The following B3GALT1 variants were observed in gnomAD, a reference collection of about 807,000 sequenced individuals.
B3GALT1 encodes beta-1,3-galactosyltransferase 1.
In B3GALT1, 10 loss-of-function variants were observed where a neutral mutation model predicts 23.2. The observed-to-expected ratio is 0.43, with a 90% CI of 0.27 to 0.73. The LOEUF is 0.73. B3GALT1 is among the 30% of genes least tolerant of loss of function. The pLI is 0.21. For missense variants in B3GALT1, 299 were observed against 405.4 expected (o/e 0.74, Z 2.25); for synonymous variants, 156 against 141.5 (o/e 1.10, Z -0.73).
chr2:167,591,639 A>T (rs1003778459), intron 2 of B3GALT1, among the ~76,000 whole-genome samples: 1 of 151,640 alleles, frequency 6.6e-6, no homozygotes, highest in African/African-American at 2.4e-5. Flanking sequence ...TACACTGCTA[A>T]TTTTTTTTAT....
chr2:167,428,163 G>T (rs970493184), intron 1 of B3GALT1, among the ~76,000 whole-genome samples: 7 of 152,150 alleles, frequency 4.6e-5, no homozygotes, highest in Non-Finnish European at 7.4e-5. Flanking sequence ...AGAGACATGA[G>T]AAAATAAGGA....
chr2:167,666,912 AG>A (rs1162581483), intron 3 of B3GALT1, among the ~76,000 whole-genome samples: 20 of 152,238 alleles, frequency 1.3e-4, no homozygotes, highest in Admixed American at 7.2e-4. Context: ...CCAATTTGCC[AG>A]TCTGTGTCTT....
chr2:167,870,406 C>A lies in B3GALT1; in HGVS notation c.*386C>A. The A allele has an allele frequency of 5.5e-6, 1 of 182,038 alleles. No homozygotes were observed. The highest frequency in any genetic ancestry group is 1.3e-5 in the Non-Finnish European group (1 of 76,960). The allele number at this position is 182,038 out of a possible 1,614,324, so 11.3% of individuals were successfully genotyped here. A position where few individuals can be genotyped will look rare whatever the true frequency, so the allele number is the denominator to read the frequency against. On this transcript the variant is annotated 3_prime_UTR_variant, in exon 5 of 5. Coordinates refer to ENST00000392690, the MANE Select transcript of B3GALT1 (RefSeq NM_020981.4). ...CACAAATAGAAACCATTTTCAAAAG[C>A]AATTCAGAAAGGATGCACAGTCAGG...
At chr2:167,566,585 G>T (rs1015622240) in intron 2 of B3GALT1, among the ~76,000 whole-genome samples, 1 of 151,958 alleles carries the variant, frequency 6.6e-6, no homozygotes, top group East Asian at 1.9e-4. Flanking sequence ...GAATAACGTA[G>T]TCCAGCCTCC....
At chr2:167,465,071 T>A (rs1699323805) in intron 1 of B3GALT1, among the ~76,000 whole-genome samples, 1 of 152,202 alleles carries the variant, frequency 6.6e-6, no homozygotes, top group African/African-American at 2.4e-5. Context: ...TTTTAATCCT[T>A]TGTATGAAAC....
At chr2:167,595,329 G>A (rs917255348) in intron 2 of B3GALT1, among the ~76,000 whole-genome samples, 1 of 152,102 alleles carries the variant, frequency 6.6e-6, no homozygotes, top group Admixed American at 6.5e-5. Flanking sequence ...GCTCTGCATC[G>A]CCCACCCATA....
chr2:167,602,479 T>C (rs1684894296), intron 2 of B3GALT1, among the ~76,000 whole-genome samples: 1 of 152,176 alleles, frequency 6.6e-6, no homozygotes, highest in East Asian at 1.9e-4. Flanking sequence ...AGACAAATAC[T>C]TGCAGGATTC....
At chr2:167,349,259 G>C (rs923077641) in intron 1 of B3GALT1, among the ~76,000 whole-genome samples, 11 of 151,976 alleles carry the variant, frequency 7.2e-5, no homozygotes, top group African/African-American at 2.7e-4. Context: ...AATCCTTTTT[G>C]CCTGGTACCT....
intron 2 of B3GALT1, among the ~76,000 whole-genome samples, chr2:167,565,312 A>G (rs1339908055): frequency 1.3e-5 from 2 of 152,234 alleles, no homozygotes; most frequent in Non-Finnish European, 2.9e-5. Context: ...ATATGTAGAA[A>G]GCTGAAACTG....
At chr2:167,650,036 A>G (rs1338902040) in intron 3 of B3GALT1, among the ~76,000 whole-genome samples, 1 of 151,860 alleles carries the variant, frequency 6.6e-6, no homozygotes, top group Admixed American at 6.6e-5. Flanking sequence ...ACTGTATATG[A>G]TGTTAGCTCT....
intron 1 of B3GALT1, among the ~76,000 whole-genome samples, chr2:167,358,509 T>C (rs1697451415): frequency 6.6e-6 from 1 of 152,166 alleles, no homozygotes; most frequent in Admixed American, 6.5e-5. Context: ...TCTATCCAAT[T>C]TTGTTGAGCA....
intron 3 of B3GALT1, among the ~76,000 whole-genome samples, chr2:167,665,444 G>A (rs531115944): frequency 6.8e-6 from 1 of 147,602 alleles, no homozygotes; most frequent in African/African-American, 2.6e-5. Flanking sequence ...TGTGTCTCTG[G>A]CCGGCTTTGG....
At chr2:167,866,341 A>G (rs1690217191) in intron 4 of B3GALT1, among the ~76,000 whole-genome samples, 5 of 152,090 alleles carry the variant, frequency 3.3e-5, no homozygotes. Context: ...TAGCCTCCTA[A>G]TGTAAATTTT....
chr2:167,824,957 A>T (rs1168504921), intron 4 of B3GALT1, among the ~76,000 whole-genome samples: 1 of 152,136 alleles, frequency 6.6e-6, no homozygotes, highest in African/African-American at 2.4e-5. Flanking sequence ...CTTAAGAGTT[A>T]TTCACATGCA....
intron 2 of B3GALT1, among the ~76,000 whole-genome samples, chr2:167,585,130 G>A (rs982517602): frequency 1.1e-4 from 16 of 152,072 alleles, no homozygotes; most frequent in Admixed American, 3.9e-4. Context: ...CACTCTTTTC[G>A]CTCTTAAAAT....
chr2:167,648,086 C>A (rs904240197), intron 3 of B3GALT1, among the ~76,000 whole-genome samples: 1 of 152,016 alleles, frequency 6.6e-6, no homozygotes, highest in Admixed American at 6.6e-5. Context: ...GTAATCTTTT[C>A]TTTCAGTCTC....
intron 2 of B3GALT1, among the ~76,000 whole-genome samples, chr2:167,550,209 A>G (rs546366392): frequency 1.3e-5 from 2 of 152,366 alleles, no homozygotes; most frequent in African/African-American, 4.8e-5. Flanking sequence ...ATCTCAGATA[A>G]TGAGGTAATT....
In B3GALT1 at chr2:167,584,377, A is replaced by G. The variant is rs551413593; in HGVS notation, c.-409-62532A>G. Reference sequence around the variant, plus strand: ...GGGAAAAAACTCAGTTTTTCCCACTATGCTCTGAGATATGGAAGAAAACCC... The same window carrying G: ...GGGAAAAAACTCAGTTTTTCCCACTGTGCTCTGAGATATGGAAGAAAACCC... On this transcript the variant is annotated intron_variant, in intron 2 of 4. Coordinates refer to ENST00000392690, the MANE Select transcript of B3GALT1 (RefSeq NM_020981.4). 9.8e-5 allele frequency among the ~76,000 whole-genome samples: 15 copies of G among 152,294 alleles called. 1 individual carries two copies. The East Asian group carries it at 2.5e-3, about 25-fold the overall frequency.
At chr2:167,309,109 A>G (rs1696595233) in intron 1 of B3GALT1, among the ~76,000 whole-genome samples, 1 of 152,046 alleles carries the variant, frequency 6.6e-6, no homozygotes, top group Non-Finnish European at 1.5e-5. Flanking sequence ...GTTTTATGTC[A>G]AGAAATTGAC....
Sources: gnomAD v4.1 joint callset for allele counts (sites outside exome capture counted in the v4.1 genomes callset) on GRCh38, gnomAD v4.1.1 for gene constraint, MANE v1.5 for transcripts, NCBI Gene and HGNC (gene_info 2026-07-23, HGNC 2026-07-21) for gene names.